Variants in ITGA2 observed in about 807,000 individuals in gnomAD.
ITGA2 encodes integrin subunit alpha 2, also known as integrin alpha-2.
In ITGA2, 101 loss-of-function variants were observed where a neutral mutation model predicts 146.3. The ratio of observed to expected loss-of-function variants is 0.69; its 90% CI spans 0.59 to 0.81. ITGA2 has a LOEUF of 0.81. Among genes scored for constraint, ITGA2 ranks in the 40% least tolerant of loss-of-function variants. The pLI, the probability that ITGA2 is intolerant of heterozygous loss-of-function variation, is 0.00. For synonymous variants in ITGA2, 477 were observed against 487.1 expected, an observed-to-expected ratio of 0.98 and a Z score of 0.27; for missense variants, 1,281 against 1,402.7, an observed-to-expected ratio of 0.91 and a Z score of 1.39.
intron 27 of ITGA2, 43 bp from the exon 28 acceptor site, chr5:53,086,909 G>T: frequency 1.4e-6 from 2 of 1,442,614 alleles, no homozygotes; most frequent in Non-Finnish European, 2.0e-6. Flanking sequence ...CTCTGCATTT[G>T]CTGCTGCTAC....
chr5:53,085,308 G>C (rs1306273180), intron 27 of ITGA2, among the ~76,000 whole-genome samples: 1 of 152,138 alleles, frequency 6.6e-6, no homozygotes, highest in Admixed American at 6.6e-5. Context: ...ATTGATGATA[G>C]AGTTGCTGCC....
chr5:53,004,169 C>A (rs1449925686), intron 1 of ITGA2, among the ~76,000 whole-genome samples: 1 of 152,038 alleles, frequency 6.6e-6, no homozygotes, highest in Non-Finnish European at 1.5e-5. Flanking sequence ...ACTAAATGTC[C>A]TCTGAGGGAT....
At chr5:52,996,771 T>C (rs1444920993) in intron 1 of ITGA2, among the ~76,000 whole-genome samples, 2 of 152,232 alleles carry the variant, frequency 1.3e-5, no homozygotes, top group East Asian at 3.8e-4. Flanking sequence ...ACCAAACAAG[T>C]TCTTTTAGAA....
intron 9 of ITGA2, among the ~76,000 whole-genome samples, chr5:53,056,558 A>G (rs190857894): frequency 3.3e-5 from 5 of 152,102 alleles, no homozygotes; most frequent in African/African-American, 9.6e-5. Context: ...ATATCTATCT[A>G]TTAGAATCAT....
At chr5:53,079,854 C>A (rs1436023628) in intron 24 of ITGA2, among the ~76,000 whole-genome samples, 1 of 152,046 alleles carries the variant, frequency 6.6e-6, no homozygotes, top group Non-Finnish European at 1.5e-5. Flanking sequence ...CGGTTATGAG[C>A]TTGGTATTAT....
At chr5:53,078,350 T>C (rs184554620) in intron 23 of ITGA2, among the ~76,000 whole-genome samples, 11 of 152,200 alleles carry the variant, frequency 7.2e-5, no homozygotes, top group Admixed American at 7.2e-4. Context: ...TATTATATTT[T>C]AGCCACACCA....
rs906386726 is a variant in ITGA2, at chr5:53,055,931, T to C, written c.931-53T>C. ...TTCAAAATAGGCTAGAATGTACTCA[T>C]AGGGAAAATGTACAGCAGTAATGAC... On this transcript the variant is annotated intron_variant, in intron 8 of 29. Transcript: ENST00000296585. The C allele has an allele frequency of 2.2e-5, 34 of 1,526,620 alleles. No homozygotes were observed. The East Asian group carries it at 5.2e-4, about 23-fold the overall frequency. The allele number at this position is 1,526,620 out of a possible 1,614,324, so 94.6% of individuals were successfully genotyped here. A position where few individuals can be genotyped will look rare whatever the true frequency, so the allele number is the denominator to read the frequency against.
At chr5:53,040,758 A>G (rs1056067920) in intron 2 of ITGA2, among the ~76,000 whole-genome samples, 10 of 152,194 alleles carry the variant, frequency 6.6e-5, no homozygotes, top group African/African-American at 1.7e-4. Context: ...TTAATGAACT[A>G]TTAACTTTCA....
intron 23 of ITGA2, 76 bp downstream of exon 23, chr5:53,075,380 A>G (rs1028110062): frequency 9.0e-7 from 1 of 1,109,452 alleles, no homozygotes; most frequent in African/African-American, 1.5e-5. Flanking sequence ...ATGGCTAAAG[A>G]AGTCCTCTGT....
chr5:53,053,870 C>T (rs1205834127), intron 7 of ITGA2, among the ~76,000 whole-genome samples: 1 of 152,034 alleles, frequency 6.6e-6, no homozygotes, highest in Non-Finnish European at 1.5e-5. Flanking sequence ...CATTCAATGC[C>T]TACAGTTGCA....
At chr5:53,038,216 A>AAAC (rs899723844) in intron 2 of ITGA2, among the ~76,000 whole-genome samples, 1 of 152,026 alleles carries the variant, frequency 6.6e-6, no homozygotes. Flanking sequence ...ATAAAAAAAA[A>AAAC]AAAAAACAGT....
intron 25 of ITGA2, 125 bp downstream of exon 25, chr5:53,080,746 G>A: frequency 2.7e-6 from 2 of 739,414 alleles, no homozygotes; most frequent in Non-Finnish European, 4.9e-6. Context: ...CAGCCTGGGT[G>A]CCAACTGACT....
intron 2 of ITGA2, among the ~76,000 whole-genome samples, chr5:53,032,150 A>C (rs967275278): frequency 1.3e-4 from 19 of 149,496 alleles, no homozygotes; most frequent in Admixed American, 4.7e-4. Context: ...AGAAAGAACA[A>C]GTGTCATAGC....
chr5:53,057,468 AC>A (rs1744697560), intron 9 of ITGA2, among the ~76,000 whole-genome samples: 1 of 151,932 alleles, frequency 6.6e-6, no homozygotes, highest in African/African-American at 2.4e-5. Flanking sequence ...CATATACAGA[AC>A]CAGAACAAAC....
intron 1 of ITGA2, among the ~76,000 whole-genome samples, chr5:52,991,166 T>G (rs1253270556): frequency 6.6e-6 from 1 of 152,132 alleles, no homozygotes; most frequent in Non-Finnish European, 1.5e-5. Flanking sequence ...TGCAAAAGTT[T>G]TGTGCATTTA....
At chr5:53,058,967 T>TTTAC (rs1273779794) in intron 10 of ITGA2, among the ~76,000 whole-genome samples, 1 of 151,968 alleles carries the variant, frequency 6.6e-6, no homozygotes, top group Non-Finnish European at 1.5e-5. Context: ...AGTCCCTCAA[T>TTTAC]TTACTACAGT....
chr5:53,015,881 A>AT (rs1185265559), intron 1 of ITGA2, among the ~76,000 whole-genome samples: 3 of 151,952 alleles, frequency 2.0e-5, no homozygotes, highest in African/African-American at 7.3e-5. Flanking sequence ...TTTAAAGTCA[A>AT]TTTTGTCTGA....
Position 53,074,448 on chromosome 5 carries a change from G to A in ITGA2, c.2635G>A (p.Gly879Ser). The A allele has an allele frequency of 1.2e-6, 2 of 1,612,284 alleles. No homozygotes were observed. The highest frequency in any genetic ancestry group is 1.7e-6 in the Non-Finnish European group (2 of 1,178,926). ...ASQKSVACDVGYPALKREQQV... is the reference protein window; with the variant it reads ...ASQKSVACDVSYPALKREQQV... The stretch of plus-strand genomic sequence containing the variant: ...TCAGAAGTCTGTTGCCTGCGATGTA[G>A]GCTACCCTGCTTTAAAGAGAGAACA... Residue 879 changes from glycine to serine, a missense_variant, in exon 21 of 30, where the codon GGC becomes AGC. Physicochemically the swap from Gly to Ser is moderately conservative, Grantham distance 56. This residue lies in a region of ITGA2 where 475 missense variants were observed against 530.5 expected (regional missense o/e 0.90). Coordinates refer to ENST00000296585, the MANE Select transcript of ITGA2 (RefSeq NM_002203.4).
chr5:53,090,448 G>A lies in ITGA2; in HGVS notation c.3466-71G>A. 4 of 1,336,148 alleles carry A rather than the reference G, an allele frequency of 3.0e-6. No individual in the cohort carries two copies. The South Asian group carries it at 4.7e-5, about 16-fold the overall frequency. The allele number at this position is 1,336,148 out of a possible 1,614,324, so 82.8% of individuals were successfully genotyped here. ...AGAGGTGCATCAGAGGACGTGGGCA[G>A]CCAAGGGGGTCAGAGGCACCTTACA... On this transcript the variant is annotated intron_variant, in intron 29 of 29. Coordinates refer to ENST00000296585, the MANE Select transcript of ITGA2 (RefSeq NM_002203.4).
Sources: gnomAD v4.1 joint callset for allele counts (sites outside exome capture counted in the v4.1 genomes callset) on GRCh38, gnomAD v4.1.1 for gene constraint, gnomAD v4.1.1 regional missense constraint, MANE v1.5 for transcripts, NCBI Gene and HGNC (gene_info 2026-07-23, HGNC 2026-07-21) for gene names.